The following CEP164 variants were observed in gnomAD, a reference collection of about 807,000 sequenced individuals.
CEP164 encodes the protein centrosomal protein of 164 kDa.
CEP164 carries 162 observed loss-of-function variants against 182.7 expected under a neutral mutation model. That is an observed-to-expected ratio of 0.89 (90% confidence interval 0.78 to 1.01). The LOEUF is 1.01. Ranked by LOEUF, CEP164 falls within the 50% of genes least tolerant of loss-of-function variation. The pLI is 0.00. For missense variants in CEP164, 1,735 were observed against 1,790.4 expected, an observed-to-expected ratio of 0.97 and a Z score of 0.56; for synonymous variants, 661 against 690.0, an observed-to-expected ratio of 0.96 and a Z score of 0.66.
chr11:117,331,526 C>G (rs570826125), intron 1 of CEP164, among the ~76,000 whole-genome samples: 1 of 152,142 alleles, frequency 6.6e-6, no homozygotes, highest in Admixed American at 6.6e-5. Context: ...TTTAATTATA[C>G]ACATGCAGTT....
At chr11:117,340,697 A>T (rs906364351) in intron 3 of CEP164, among the ~76,000 whole-genome samples, 9 of 152,024 alleles carry the variant, frequency 5.9e-5, no homozygotes, top group Non-Finnish European at 1.2e-4. Flanking sequence ...ATTAAAATAA[A>T]TTTTTTTGTA....
At chr11:117,371,795 C>CTTTTTTTTTTTTT (rs34338708) in intron 9 of CEP164, among the ~76,000 whole-genome samples, 1 of 138,394 alleles carries the variant, frequency 7.2e-6, no homozygotes, top group South Asian at 2.3e-4. Flanking sequence ...CCCTCTTGTA[C>CTTTTTTTTTTTTT]TTTTTTTTTT....
rs56696952 is a variant in CEP164 at position 117,331,981 on chromosome 11, A to AATATATATATAT, written c.-97-3613_-97-3602dup. ...CAGGTGCACGCCACCATGCCTGGCT[A>AATATATATATAT]ATATATATATATATATATATATTTG... On this transcript the variant is annotated intron_variant, in intron 1 of 32. Transcript: ENST00000278935. Among the ~76,000 whole-genome samples the AATATATATATAT allele has an allele frequency of 2.9e-3, 413 of 142,298 alleles. 2 individuals are homozygous for AATATATATATAT. Among genetic ancestry groups the AATATATATATAT allele is most frequent in the African/African-American group, 0.01 (392 of 38,116 alleles). The allele number at this position is 142,298 out of a possible 152,430, so 93.4% of individuals were successfully genotyped here. A position where few individuals can be genotyped will look rare whatever the true frequency, so the allele number is the denominator to read the frequency against.
At chr11:117,401,103 G>A (rs1430488861) in intron 27 of CEP164, among the ~76,000 whole-genome samples, 2 of 152,160 alleles carry the variant, frequency 1.3e-5, no homozygotes, top group African/African-American at 4.8e-5. Context: ...TGTCCATTCA[G>A]TATGATATTG....
chr11:117,377,062 T>G (rs1453029040), intron 11 of CEP164, among the ~76,000 whole-genome samples: 2 of 152,178 alleles, frequency 1.3e-5, no homozygotes, highest in African/African-American at 4.8e-5. Flanking sequence ...TAGCAGGACC[T>G]GACTTGGTTT....
chr11:117,347,955 T>TTTG lies in CEP164; in HGVS notation c.194+3705_194+3707dup, dbSNP rs530021219. On this transcript the variant is annotated intron_variant, in intron 4 of 32. Coordinates refer to ENST00000278935, the MANE Select transcript of CEP164 (RefSeq NM_014956.5). The stretch of plus-strand genomic sequence containing the variant: ...ATTCAATTTTCTGTACTGAAGTTGG[T>TTTG]TTGTTGTTGTTGTTGTTGTTGTTGT... Among the ~76,000 whole-genome samples the TTTG allele has an allele frequency of 3.3e-3, 493 of 151,514 alleles. 7 individuals carry two copies. In the South Asian group the frequency reaches 0.034, roughly 10 times the overall value.
chr11:117,357,953 A>G (rs1176711921), intron 5 of CEP164, among the ~76,000 whole-genome samples: 2 of 152,146 alleles, frequency 1.3e-5, no homozygotes, highest in Non-Finnish European at 2.9e-5. Context: ...TTAAAGAGTC[A>G]CTATATTCTT....
chr11:117,393,223 A>C (rs2044946321), intron 20 of CEP164, 97 bp downstream of exon 20: 2 of 1,498,422 alleles, frequency 1.3e-6, no homozygotes, highest in South Asian at 2.5e-5. Context: ...ACGCACATGC[A>C]CACACACCCC....
At chr11:117,395,862 T>C in intron 24 of CEP164, 140 bp downstream of exon 24, 1 of 1,219,558 alleles carries the variant, frequency 8.2e-7, no homozygotes, top group Non-Finnish European at 1.1e-6. Flanking sequence ...TGTGGCTACA[T>C]TTTGTAGGGA....
chr11:117,380,221 C>G (rs75863975), intron 11 of CEP164, among the ~76,000 whole-genome samples: 3 of 152,190 alleles, frequency 2.0e-5, no homozygotes, highest in African/African-American at 7.2e-5. Context: ...CACTGCTAAT[C>G]TGGGCCTCTG....
At position 117,405,324 on chromosome 11, in the gene CEP164, T is replaced by C. The variant is rs532443569; in HGVS notation, c.3502-2601T>C. On this transcript the variant is annotated intron_variant, in intron 27 of 32. Transcript: ENST00000278935. ...TCTCCTGGTCTGCGGGTTGCAAAGA[T>C]TGTGGGAAAAGCGTAGTATCTGGGC... 8.5e-5 allele frequency among the ~76,000 whole-genome samples: 13 copies of C among 152,256 alleles called. No homozygotes were observed. The South Asian group carries it at 2.3e-3, about 27-fold the overall frequency.
intron 20 of CEP164, among the ~76,000 whole-genome samples, chr11:117,393,714 A>AC: frequency 6.6e-6 from 1 of 152,348 alleles, no homozygotes; most frequent in African/African-American, 2.4e-5. Flanking sequence ...ATCTTGGGAC[A>AC]CCAAGAAATA....
intron 14 of CEP164, 41 bp from the exon 15 acceptor site, chr11:117,387,162 C>T (rs767039889): frequency 6.4e-7 from 1 of 1,551,120 alleles, no homozygotes; most frequent in East Asian, 2.2e-5. Flanking sequence ...GGTGGGTGGA[C>T]ATTAACCCTG....
intron 27 of CEP164, among the ~76,000 whole-genome samples, chr11:117,399,244 TG>T (rs1370410069): frequency 6.6e-6 from 1 of 152,246 alleles, no homozygotes; most frequent in Non-Finnish European, 1.5e-5. Flanking sequence ...TTTGATTTTC[TG>T]TTCCTGTGTT....
chr11:117,343,002 G>A (rs1464046197), intron 3 of CEP164, among the ~76,000 whole-genome samples: 3 of 150,204 alleles, frequency 2.0e-5, no homozygotes, highest in Admixed American at 2.0e-4. Context: ...CAGCTTCCTG[G>A]GTAGCTGCAT....
chr11:117,325,819 A>T (rs2035408226), upstream of CEP164, among the ~76,000 whole-genome samples: 1 of 151,926 alleles, frequency 6.6e-6, no homozygotes, highest in Admixed American at 6.6e-5. Context: ...AATAACAGAG[A>T]GGGAAACTCC....
Position 117,407,856 on chromosome 11 carries a change from A to C in CEP164, c.3502-69A>C. 6.1e-6 allele frequency: 7 copies of C among 1,142,530 alleles called. No individual in the cohort carries two copies. In the South Asian group the frequency reaches 8.1e-5, roughly 13 times the overall value. The allele number at this position is 1,142,530 out of a possible 1,614,324, so 70.8% of individuals were successfully genotyped here. A position where few individuals can be genotyped will look rare whatever the true frequency, so the allele number is the denominator to read the frequency against. ...TTTGTTCAAGATCACCCAGTCAGCAAATGGCAGGGTTGGGACTCCAGCGTC... is the reference window on the plus strand; with the variant it reads ...TTTGTTCAAGATCACCCAGTCAGCACATGGCAGGGTTGGGACTCCAGCGTC... On this transcript the variant is annotated intron_variant, in intron 27 of 32. Coordinates refer to ENST00000278935, the MANE Select transcript of CEP164 (RefSeq NM_014956.5).
intron 27 of CEP164, among the ~76,000 whole-genome samples, chr11:117,400,403 T>C (rs1305823959): frequency 6.6e-6 from 1 of 152,248 alleles, no homozygotes; most frequent in Non-Finnish European, 1.5e-5. Context: ...GTAGTATCAT[T>C]TGAAGTCAGG....
In CEP164 at chr11:117,391,005, G is replaced by A. The variant is rs1409945695; in HGVS notation, c.2073G>A (p.Glu691=). Residue 691 remains glutamate, a synonymous_variant, in exon 17 of 33, where the codon GAG becomes GAA. Transcript: ENST00000278935. ...TQADEDQIRA[E]QEASLQKLRE... ...TTCCACTGTGTCCACCCAGGGCTGA[G>A]CAAGAGGCTTCCCTGCAGAAACTGA... The A allele has an allele frequency of 1.9e-6, 3 of 1,614,166 alleles. No individual in the cohort carries two copies. Among genetic ancestry groups the A allele is most frequent in the Non-Finnish European group, 1.7e-6 (2 of 1,180,046 alleles).
Sources: gnomAD v4.1 joint callset for allele counts (sites outside exome capture counted in the v4.1 genomes callset) on GRCh38, gnomAD v4.1.1 for gene constraint, MANE v1.5 for transcripts, NCBI Gene and HGNC (gene_info 2026-07-23, HGNC 2026-07-21) for gene names.